CDH8: variants seen among roughly 807,000 people sequenced by gnomAD.
The protein encoded by CDH8 is cadherin 8, also known as cadherin-8.
In CDH8, 17 loss-of-function variants were observed where a neutral mutation model predicts 68.1. The ratio of observed to expected loss-of-function variants is 0.25; its 90% CI spans 0.17 to 0.37. CDH8 has a LOEUF of 0.37. Among genes scored for constraint, CDH8 ranks in the 10% least tolerant of loss-of-function variants. CDH8 has a pLI of 1.00. For missense variants in CDH8, 763 were observed against 999.3 expected, an observed-to-expected ratio of 0.76 and a Z score of 3.19; for synonymous variants, 372 against 365.1, an observed-to-expected ratio of 1.02 and a Z score of -0.21.
chr16:61,799,903 T>C (rs1362817737), intron 7 of CDH8, among the ~76,000 whole-genome samples: 1 of 151,890 alleles, frequency 6.6e-6, no homozygotes, highest in East Asian at 1.9e-4. Context: ...CTATTAACTC[T>C]TTTCCCCCCC....
intron 8 of CDH8, among the ~76,000 whole-genome samples, chr16:61,784,089 T>G (rs1051202222): frequency 2.0e-5 from 3 of 150,758 alleles, no homozygotes; most frequent in African/African-American, 7.3e-5. Flanking sequence ...CATAACAATA[T>G]TAACTTTAAA....
intron 2 of CDH8, among the ~76,000 whole-genome samples, chr16:61,944,124 G>C (rs1964765409): frequency 2.0e-5 from 3 of 152,160 alleles, no homozygotes; most frequent in Admixed American, 2.0e-4. Flanking sequence ...ATGGAGGCTT[G>C]GAGAGCATTG....
rs191511162 is a variant in CDH8, at chr16:61,649,031, G to T, written c.*4577C>A. Reference sequence around the variant, plus strand: ...GCAAATAATACATTCAACACTGTTTGGCTGAGTAACAGTGCAAAGACACTT... The same window carrying T: ...GCAAATAATACATTCAACACTGTTTTGCTGAGTAACAGTGCAAAGACACTT... On this transcript the variant is annotated 3_prime_UTR_variant, in exon 12 of 12. Coordinates refer to ENST00000577390, the MANE Select transcript of CDH8 (RefSeq NM_001796.5). 8 of 151,868 alleles carry T rather than the reference G, an allele frequency of 5.3e-5. No individual in the cohort carries two copies. The highest frequency in any genetic ancestry group is 1.9e-4 in the African/African-American group (8 of 41,368). The allele number at this position is 151,868 out of a possible 1,614,324, so 9.4% of individuals were successfully genotyped here.
At chr16:61,702,214 T>C (rs936325541) in intron 10 of CDH8, among the ~76,000 whole-genome samples, 3 of 151,964 alleles carry the variant, frequency 2.0e-5, no homozygotes, top group Non-Finnish European at 4.4e-5. Context: ...CTACTAAAAA[T>C]ACAAAAAATT....
At chr16:61,698,535 C>T (rs560677995) in intron 10 of CDH8, among the ~76,000 whole-genome samples, 1 of 152,186 alleles carries the variant, frequency 6.6e-6, no homozygotes, top group African/African-American at 2.4e-5. Flanking sequence ...TCTGCATCCT[C>T]CTTTTTTCCC....
chr16:61,708,702 T>A (rs1241094437), intron 10 of CDH8, among the ~76,000 whole-genome samples: 3 of 152,230 alleles, frequency 2.0e-5, no homozygotes, highest in African/African-American at 7.2e-5. Flanking sequence ...TGTCTTTTTA[T>A]CAACAGCACA....
intron 10 of CDH8, among the ~76,000 whole-genome samples, chr16:61,659,585 C>T (rs2142750772): frequency 6.6e-6 from 1 of 152,222 alleles, no homozygotes; most frequent in Non-Finnish European, 1.5e-5. Context: ...GGGCACTGTG[C>T]CACTGAGAAT....
intron 8 of CDH8, among the ~76,000 whole-genome samples, chr16:61,789,097 A>G (rs1961316551): frequency 6.6e-6 from 1 of 152,116 alleles, no homozygotes; most frequent in Non-Finnish European, 1.5e-5. Flanking sequence ...AATGCAAAGC[A>G]TTGTTTTTAA....
Position 61,916,534 on chromosome 16 carries a change from A to AAAT in CDH8, c.253-15064_253-15062dup, listed in dbSNP as rs892828753. Among the ~76,000 whole-genome samples the AAAT allele has an allele frequency of 3.7e-4, 57 of 152,170 alleles. 2 individuals carry two copies. Among genetic ancestry groups the AAAT allele is most frequent in the Admixed American group, 1.8e-3 (27 of 15,276 alleles). On this transcript the variant is annotated intron_variant, in intron 2 of 11. Transcript: ENST00000577390. ...CATCTCAAAAAATAAGTAAATAAAT[A>AAAT]AATAATAATAATAATAGTAAAAACG...
intron 2 of CDH8, among the ~76,000 whole-genome samples, chr16:62,014,323 T>G (rs540934415): frequency 1.3e-5 from 2 of 152,270 alleles, no homozygotes; most frequent in South Asian, 4.1e-4. Flanking sequence ...GGGATACCCC[T>G]ATTTCTAAGT....
At chr16:61,682,022 T>C (rs1258720312) in intron 10 of CDH8, among the ~76,000 whole-genome samples, 1 of 151,902 alleles carries the variant, frequency 6.6e-6, no homozygotes, top group Non-Finnish European at 1.5e-5. Context: ...CTGAGATATT[T>C]CACATTTTAA....
chr16:61,959,621 T>G (rs1448401357), intron 2 of CDH8, among the ~76,000 whole-genome samples: 1 of 151,428 alleles, frequency 6.6e-6, no homozygotes, highest in Admixed American at 6.6e-5. Flanking sequence ...TACGCATACA[T>G]ATATACACAC....
chr16:61,798,959 C>G (rs148638303), intron 7 of CDH8, among the ~76,000 whole-genome samples: 1 of 152,050 alleles, frequency 6.6e-6, no homozygotes, highest in African/African-American at 2.4e-5. Flanking sequence ...GCATGGAATC[C>G]GGAAGTTCTG....
At chr16:61,840,203 G>T (rs769279495) in intron 4 of CDH8, among the ~76,000 whole-genome samples, 3 of 151,938 alleles carry the variant, frequency 2.0e-5, no homozygotes, top group African/African-American at 4.8e-5. Context: ...TATATCCCAG[G>T]CACACTTCAT....
chr16:62,009,540 T>TC (rs1212295557), intron 2 of CDH8, among the ~76,000 whole-genome samples: 3 of 152,230 alleles, frequency 2.0e-5, no homozygotes, highest in Non-Finnish European at 4.4e-5. Context: ...CTTCTTTTAA[T>TC]TCCTGTCTAT....
At position 61,669,021 on chromosome 16, in the gene CDH8, A is replaced by G. The variant is rs188920882; in HGVS notation, c.1655-13300T>C. On this transcript the variant is annotated intron_variant, in intron 10 of 11. Coordinates refer to ENST00000577390, the MANE Select transcript of CDH8 (RefSeq NM_001796.5). ...TTTAATACTGTGAATAGAGAGCTGA[A>G]GATATGAAAGAAACTATAGTACCAA... Among the ~76,000 whole-genome samples, 276 of 152,208 alleles carry G rather than the reference A, an allele frequency of 1.8e-3. 1 individual carries two copies. Among genetic ancestry groups the G allele is most frequent in the Non-Finnish European group, 3.1e-3 (209 of 67,988 alleles).
chr16:61,912,733 T>G (rs1422225137), intron 2 of CDH8, among the ~76,000 whole-genome samples: 1 of 152,096 alleles, frequency 6.6e-6, no homozygotes, highest in Non-Finnish European at 1.5e-5. Context: ...TAATTTCCTT[T>G]TATTCAAATG....
At chr16:61,782,477 G>A (rs1295998304) in intron 8 of CDH8, among the ~76,000 whole-genome samples, 1 of 152,012 alleles carries the variant, frequency 6.6e-6, no homozygotes, top group Non-Finnish European at 1.5e-5. Flanking sequence ...ACAGCAGTCT[G>A]AGATCAAACT....
At chr16:61,747,904 G>A (rs1307931015) in intron 8 of CDH8, among the ~76,000 whole-genome samples, 1 of 152,026 alleles carries the variant, frequency 6.6e-6, no homozygotes, top group Non-Finnish European at 1.5e-5. Context: ...CATCGCCGGG[G>A]CAGGGCTTTG....
Sources: allele counts gnomAD v4.1 joint callset (sites outside exome capture counted in the v4.1 genomes callset), GRCh38; gene constraint gnomAD v4.1.1; transcripts MANE v1.5; gene names NCBI Gene and HGNC (gene_info 2026-07-23, HGNC 2026-07-21).